The following DPY19L1 variants were observed in gnomAD, a reference collection of about 807,000 sequenced individuals.
The protein encoded by DPY19L1 is protein C-mannosyl-transferase DPY19L1.
In DPY19L1, 35 loss-of-function variants were observed where a neutral mutation model predicts 96.9. The observed-to-expected ratio is 0.36, with a 90% CI of 0.28 to 0.48. The LOEUF (loss-of-function observed/expected upper bound fraction) is 0.48, where lower values mean the gene tolerates loss of function less well. Among genes scored for constraint, DPY19L1 ranks in the 20% least tolerant of loss-of-function variants. The pLI is 0.99. For synonymous variants in DPY19L1, 205 were observed against 252.6 expected (o/e 0.81, Z 1.79); for missense variants, 521 against 777.9 (o/e 0.67, Z 3.93).
chr7:34,977,585 G>T (rs568930321), intron 7 of DPY19L1, among the ~76,000 whole-genome samples: 1 of 152,132 alleles, frequency 6.6e-6, no homozygotes, highest in East Asian at 1.9e-4. Flanking sequence ...ATAACACAAC[G>T]TGTTTTACTA....
At chr7:35,001,720 G>C (rs999047533) in intron 6 of DPY19L1, among the ~76,000 whole-genome samples, 2 of 152,044 alleles carry the variant, frequency 1.3e-5, no homozygotes, top group African/African-American at 4.8e-5. Context: ...CCACAATTTA[G>C]AGCTTCTATA....
At chr7:34,986,213 G>T (rs1785043579) in intron 7 of DPY19L1, among the ~76,000 whole-genome samples, 1 of 151,940 alleles carries the variant, frequency 6.6e-6, no homozygotes, top group Admixed American at 6.6e-5. Flanking sequence ...TTGGGCAGGA[G>T]GAATAAGTTT....
At chr7:34,935,951 C>A (rs1193082079) in intron 21 of DPY19L1, among the ~76,000 whole-genome samples, 2 of 152,158 alleles carry the variant, frequency 1.3e-5, no homozygotes, top group African/African-American at 4.8e-5. Context: ...AGTGTGTCAT[C>A]AGCCTGGCTT....
At chr7:35,008,036 T>C (rs556296774) in intron 6 of DPY19L1, among the ~76,000 whole-genome samples, 1 of 152,190 alleles carries the variant, frequency 6.6e-6, no homozygotes, top group South Asian at 2.1e-4. Flanking sequence ...GATCTGCTTA[T>C]TACCTGCTTT....
intron 10 of DPY19L1, 121 bp from the exon 11 acceptor site, chr7:34,958,191 A>G (rs538767375): frequency 1.7e-6 from 1 of 573,860 alleles, no homozygotes; most frequent in Non-Finnish European, 2.9e-6. Flanking sequence ...AAGGGACTAT[A>G]AAACAGCCCA....
rs1387941291 is a variant in DPY19L1 at position 34,949,790 on chromosome 7, A to C, written c.1422+7T>G. 1 of 1,560,790 alleles carries C rather than the reference A, an allele frequency of 6.4e-7. No homozygotes were observed. The highest frequency in any genetic ancestry group is 1.4e-5 in the African/African-American group (1 of 73,218). ...CTTAGGAAACAGAACTAGAAATCACATCTTACCTCTTTTTCCATAAAGTCA... is the reference window on the plus strand; with the variant it reads ...CTTAGGAAACAGAACTAGAAATCACCTCTTACCTCTTTTTCCATAAAGTCA... On this transcript the variant is annotated splice_region_variant and intron_variant, in intron 14 of 21. Transcript: ENST00000638088.
intron 7 of DPY19L1, among the ~76,000 whole-genome samples, chr7:34,981,585 T>C (rs949830092): frequency 6.6e-6 from 1 of 152,190 alleles, no homozygotes; most frequent in African/African-American, 2.4e-5. Context: ...ACAGGACAAA[T>C]TGGTTTTGCA....
chr7:35,027,668 T>TGAAAAAAAAAAAAAAAAA, intron 1 of DPY19L1, among the ~76,000 whole-genome samples: 1 of 71,384 alleles, frequency 1.4e-5, no homozygotes, highest in East Asian at 3.8e-4. Flanking sequence ...CCGTCTCTAC[T>TGAAAAAAAAAAAAAAAAA]AAAAAAAAAA....
At chr7:35,002,869 C>T (rs900400586) in intron 6 of DPY19L1, among the ~76,000 whole-genome samples, 11 of 152,226 alleles carry the variant, frequency 7.2e-5, no homozygotes, top group South Asian at 2.1e-4. Context: ...CCTGGGTTCA[C>T]GCCATTCTCC....
At chr7:34,968,631 G>A (rs1345914139) in intron 9 of DPY19L1, among the ~76,000 whole-genome samples, 4 of 151,764 alleles carry the variant, frequency 2.6e-5, no homozygotes, top group African/African-American at 4.8e-5. Context: ...TTAGCTGGGT[G>A]TGGTGGCACG....
At chr7:35,023,833 C>CTTTTTTTTTTTTTTT (rs755619806) in intron 1 of DPY19L1, among the ~76,000 whole-genome samples, 23 of 111,806 alleles carry the variant, frequency 2.1e-4, no homozygotes, top group Non-Finnish European at 3.2e-4. Context: ...CTTTTCTTTT[C>CTTTTTTTTTTTTTTT]TTTTTTTTTT....
chr7:34,934,735 A>G (rs922113044), intron 21 of DPY19L1, among the ~76,000 whole-genome samples: 2 of 152,172 alleles, frequency 1.3e-5, no homozygotes, highest in African/African-American at 4.8e-5. Flanking sequence ...GCAGTTCACA[A>G]TAGGGTTCAT....
chr7:35,002,527 A>G (rs1486435722), intron 6 of DPY19L1, among the ~76,000 whole-genome samples: 1 of 152,168 alleles, frequency 6.6e-6, no homozygotes, highest in Non-Finnish European at 1.5e-5. Context: ...TAAAGAAATA[A>G]TTCAAGAAAA....
chr7:35,019,685 TA>T (rs1312512915), intron 1 of DPY19L1, among the ~76,000 whole-genome samples: 1 of 152,226 alleles, frequency 6.6e-6, no homozygotes, highest in Non-Finnish European at 1.5e-5. Flanking sequence ...AAGTCAGTTA[TA>T]TTTTTTCATT....
intron 19 of DPY19L1, 94 bp from the exon 20 acceptor site, chr7:34,939,469 G>A: frequency 9.3e-7 from 1 of 1,074,502 alleles, no homozygotes. Context: ...AGGTAACAGA[G>A]CGGAAGCCCA....
intron 7 of DPY19L1, among the ~76,000 whole-genome samples, chr7:34,976,986 A>G (rs1176489252): frequency 6.6e-6 from 1 of 151,868 alleles, no homozygotes; most frequent in Non-Finnish European, 1.5e-5. Flanking sequence ...AAAGGGTTTC[A>G]CCATGTTGAC....
At chr7:35,000,580 G>A (rs1785401533) in intron 6 of DPY19L1, 1 of 152,090 alleles carries the variant, frequency 6.6e-6, no homozygotes, top group Non-Finnish European at 1.5e-5. Flanking sequence ...TAAAAATGGA[G>A]CACAATAGGA....
At chr7:35,036,975 C>G (rs1786421826) in intron 1 of DPY19L1, 122 bp downstream of exon 1, 1 of 134,258 alleles carries the variant, frequency 7.4e-6, no homozygotes, top group Non-Finnish European at 1.5e-5. Flanking sequence ...GCTGGTCCGG[C>G]TGGCGGGGCT....
At chr7:34,954,578 A>C in intron 13 of DPY19L1, 120 bp downstream of exon 13, 1 of 556,254 alleles carries the variant, frequency 1.8e-6, no homozygotes, top group South Asian at 2.7e-5. Flanking sequence ...AAATAAAATA[A>C]TAGGTGAACA....
Sources: gnomAD v4.1 joint callset for allele counts (sites outside exome capture counted in the v4.1 genomes callset) on GRCh38, gnomAD v4.1.1 for gene constraint, MANE v1.5 for transcripts, NCBI Gene and HGNC (gene_info 2026-07-23, HGNC 2026-07-21) for gene names.